The following DNAH17 variants were observed in gnomAD, a reference collection of about 807,000 sequenced individuals.
The protein encoded by DNAH17 is axonemal beta dynein heavy chain 17.
DNAH17 carries 376 observed loss-of-function variants against 485.6 expected under a neutral mutation model. The observed-to-expected ratio is 0.77, with a 90% CI of 0.71 to 0.84. The LOEUF is 0.84. DNAH17 is among the 40% of genes least tolerant of loss of function. The pLI is 0.00. For missense variants in DNAH17, 6,370 were observed against 5,839.3 expected, an observed-to-expected ratio of 1.09 and a Z score of -2.96; for synonymous variants, 3,031 against 2,405.9, an observed-to-expected ratio of 1.26 and a Z score of -7.60.
chr17:78,449,410 T>C lies in DNAH17; in HGVS notation c.11211+4A>G, dbSNP rs1412204557. The C allele has an allele frequency of 1.3e-6, 2 of 1,548,510 alleles. No homozygotes were observed. Among genetic ancestry groups the C allele is most frequent in the Non-Finnish European group, 1.7e-6 (2 of 1,145,362 alleles). On this transcript the variant is annotated splice_donor_region_variant and intron_variant, in intron 69 of 80. Coordinates refer to ENST00000389840, the MANE Select transcript of DNAH17 (RefSeq NM_173628.4). ...ACACTAGGAACAGTGAGGCTAGACATTACCTGAAACGTAACTTGTGCCAGG... is the reference window on the plus strand; with the variant it reads ...ACACTAGGAACAGTGAGGCTAGACACTACCTGAAACGTAACTTGTGCCAGG...
intron 54 of DNAH17, among the ~76,000 whole-genome samples, chr17:78,470,749 A>G (rs1480515611): frequency 6.6e-6 from 1 of 152,182 alleles, no homozygotes; most frequent in Non-Finnish European, 1.5e-5. Flanking sequence ...ATTTTACCAC[A>G]TATGCAAAAG....
At chr17:78,545,356 A>G (rs1309120070) in intron 16 of DNAH17, among the ~76,000 whole-genome samples, 2 of 152,158 alleles carry the variant, frequency 1.3e-5, no homozygotes, top group Non-Finnish European at 2.9e-5. Context: ...TATAAGCAAA[A>G]TACCATATAC....
Position 78,515,040 on chromosome 17 carries a change from C to A in DNAH17, c.3865-18G>T. On this transcript the variant is annotated intron_variant, in intron 25 of 80. Coordinates refer to ENST00000389840, the MANE Select transcript of DNAH17 (RefSeq NM_173628.4). ...GTATTTACCTGAAACGAAAACATCC[C>A]GTTTCTCCTTCCACTCTCATCAAGG... 6.2e-7 allele frequency: 1 copy of A among 1,612,088 alleles called. No individual in the cohort carries two copies. The highest frequency in any genetic ancestry group is 1.1e-5 in the South Asian group (1 of 90,980).
Position 78,500,329 on chromosome 17 carries a change from G to A in DNAH17, c.5616C>T (p.Asn1872=), listed in dbSNP as rs756389011. The change falls in exon 36 of 81, where the codon AAC becomes AAT. Residue 1872 remains asparagine (N), a synonymous_variant. Coordinates refer to ENST00000389840, the MANE Select transcript of DNAH17 (RefSeq NM_173628.4). ...CCTTGTAGTCCATCTGCTCGGAGCAGTTGAAGACGTAGACCATGGTGCCCA... is the reference window on the plus strand; with the variant it reads ...CCTTGTAGTCCATCTGCTCGGAGCAATTGAAGACGTAGACCATGGTGCCCA... ...RALGTMVYVF[N]CSEQMDYKSC... is the part of the protein sequence containing the mutation. 6 of 1,612,340 alleles carry A rather than the reference G, an allele frequency of 3.7e-6. 1 individual carries two copies. The South Asian group carries it at 5.5e-5, about 15-fold the overall frequency.
chr17:78,441,094 G>A lies in DNAH17; in HGVS notation c.11634C>T (p.Ile3878=), dbSNP rs530093250. The A allele has an allele frequency of 1.9e-6, 3 of 1,612,668 alleles. No individual in the cohort carries two copies. Among genetic ancestry groups the A allele is most frequent in the East Asian group, 2.2e-5 (1 of 44,864 alleles). Residue 3878 remains isoleucine, a synonymous_variant, in exon 72 of 81, where the codon ATC becomes ATT. Transcript: ENST00000389840. The part of the protein sequence containing the change: ...ESSPSTSIFF[I]LSPGVDPLKD... ...TCAAGGGGTCAACCCCCGGGGAGAG[G>A]ATGAAGAAGATTGACGTGGAGGGGC...
At chr17:78,526,837 G>A (rs774715327) in intron 23 of DNAH17, 43 bp downstream of exon 23, 5 of 1,556,360 alleles carry the variant, frequency 3.2e-6, no homozygotes, top group East Asian at 2.4e-5. Context: ...TGAGCCCCAC[G>A]CTGCTCCCCG....
At chr17:78,542,679 G>A (rs2091629262) in intron 17 of DNAH17, among the ~76,000 whole-genome samples, 2 of 152,202 alleles carry the variant, frequency 1.3e-5, no homozygotes, top group South Asian at 2.1e-4. Context: ...GGGCTCCCAG[G>A]AGGCTGGTAG....
At position 78,501,191 on chromosome 17, in the gene DNAH17, T is replaced by C; in HGVS notation, c.5476A>G (p.Thr1826Ala). Reference protein sequence around the residue: ...NTPRLVITPLTDRCYITLTQS... With the variant: ...NTPRLVITPLADRCYITLTQS... ...CTCAGGGACGGGCCTCACCTGTCAG[T>C]GAGTGGGGTGATGACCAGCCGCGGC... is the stretch of plus-strand genomic sequence containing the variant. The change falls in exon 35 of 81, where the codon ACT becomes GCT. Residue 1826 changes from threonine to alanine, a missense_variant. Coordinates refer to ENST00000389840, the MANE Select transcript of DNAH17 (RefSeq NM_173628.4). The C allele has an allele frequency of 6.3e-7, 1 of 1,576,058 alleles. No homozygotes were observed. The highest frequency in any genetic ancestry group is 8.7e-7 in the Non-Finnish European group (1 of 1,152,716).
intron 42 of DNAH17, 78 bp downstream of exon 42, chr17:78,492,555 G>C: frequency 6.4e-7 from 1 of 1,568,554 alleles, no homozygotes. Context: ...GGCCTTCCAC[G>C]TGGGAACGGC....
chr17:78,455,628 G>A lies in DNAH17; in HGVS notation c.10170+16C>T. ...AGGCGTGAGCCACCGCGCCTGGCCA[G>A]GACTCCACTCCTTACCTTTAAGTTA... is the stretch of plus-strand genomic sequence containing the variant. On this transcript the variant is annotated intron_variant, in intron 63 of 80. Coordinates refer to ENST00000389840, the MANE Select transcript of DNAH17 (RefSeq NM_173628.4). 3 of 1,524,112 alleles carry A rather than the reference G, an allele frequency of 2.0e-6. No individual in the cohort carries two copies. The highest frequency in any genetic ancestry group is 1.2e-5 in the South Asian group (1 of 80,212). 94.4% of individuals were successfully genotyped at this position (1,524,112 alleles called of 1,614,324 possible). A position where few individuals can be genotyped will look rare whatever the true frequency, so the allele number is the denominator to read the frequency against.
intron 27 of DNAH17, 58 bp downstream of exon 27, chr17:78,510,326 A>G: frequency 6.3e-7 from 1 of 1,589,584 alleles, no homozygotes; most frequent in South Asian, 1.1e-5. Flanking sequence ...CAGTGGTTGG[A>G]GGGGGCAGTT....
At chr17:78,541,409 T>TTGGATGGA (rs1218787228) in intron 17 of DNAH17, among the ~76,000 whole-genome samples, 1 of 148,844 alleles carries the variant, frequency 6.7e-6, no homozygotes, top group African/African-American at 2.5e-5. Context: ...GGGTGGATGG[T>TTGGATGGA]TGGATGGATG....
chr17:78,572,619 G>A, intron 3 of DNAH17, 82 bp downstream of exon 3: 1 of 1,275,860 alleles, frequency 7.8e-7, no homozygotes. Flanking sequence ...GTCGGAGTGG[G>A]GTGGAGTGGG....
intron 75 of DNAH17, among the ~76,000 whole-genome samples, chr17:78,432,901 T>C (rs1276881674): frequency 3.4e-5 from 2 of 58,578 alleles, no homozygotes; most frequent in Non-Finnish European, 6.8e-5. Flanking sequence ...GCTTCAAACG[T>C]GCCCCCCCCC....
chr17:78,559,048 G>C (rs865876031), intron 13 of DNAH17, among the ~76,000 whole-genome samples: 1 of 152,202 alleles, frequency 6.6e-6, no homozygotes, highest in Non-Finnish European at 1.5e-5. Flanking sequence ...GGGAGCCACA[G>C]ACCTTGTTCC....
At chr17:78,437,977 C>G (rs918570279) in intron 73 of DNAH17, 109 bp from the exon 74 acceptor site, 1 of 777,584 alleles carries the variant, frequency 1.3e-6, no homozygotes, top group East Asian at 2.7e-5. Context: ...CTTCTGCCAG[C>G]ACCCCACACT....
chr17:78,543,607 T>G, intron 17 of DNAH17: 1 of 541,106 alleles, frequency 1.8e-6, no homozygotes, highest in Non-Finnish European at 3.3e-6. Flanking sequence ...GTATTTTTAG[T>G]AAAGGCAGGG....
rs757176304 is a variant in DNAH17, at chr17:78,574,724, C to T, written c.334G>A (p.Val112Met). 6.2e-7 allele frequency: 1 copy of T among 1,604,322 alleles called. No individual in the cohort carries two copies. The highest frequency in any genetic ancestry group is 8.5e-7 in the Non-Finnish European group (1 of 1,173,484). Residue 112 changes from valine to methionine, a missense_variant, in exon 2 of 81, where the codon GTG becomes ATG. Transcript: ENST00000389840. ...SPTPVDQLIAVVEEVLSSLLN... is the reference protein window; with the variant it reads ...SPTPVDQLIAMVEEVLSSLLN... ...CTGGACGCACTCACCTCCTCCACCA[C>T]CGCGATCAGCTGGTCCACGGGTGTG...
chr17:78,464,786 C>G (rs566426350), intron 56 of DNAH17, among the ~76,000 whole-genome samples: 1 of 152,190 alleles, frequency 6.6e-6, no homozygotes, highest in Non-Finnish European at 1.5e-5. Flanking sequence ...TTGGCTGCGC[C>G]GGGGCTGATT....
Sources: gnomAD v4.1 joint callset for allele counts (sites outside exome capture counted in the v4.1 genomes callset) on GRCh38, gnomAD v4.1.1 for gene constraint, MANE v1.5 for transcripts, NCBI Gene and HGNC (gene_info 2026-07-23, HGNC 2026-07-21) for gene names.